SBF2: variants seen among roughly 807,000 people sequenced by gnomAD.
The protein encoded by SBF2 is SET binding factor 2, also known as myotubularin-related protein 13.
Under a neutral mutation model 225.2 loss-of-function variants are expected in SBF2, and 112 were observed. The observed-to-expected ratio is 0.50, with a 90% confidence interval of 0.43 to 0.58. SBF2 has a LOEUF of 0.58. Among genes scored for constraint, SBF2 ranks in the 20% least tolerant of loss-of-function variants. SBF2 has a pLI of 0.00. For synonymous variants in SBF2, 763 were observed against 773.3 expected, an observed-to-expected ratio of 0.99 and a Z score of 0.22; for missense variants, 1,996 against 2,206.2, an observed-to-expected ratio of 0.90 and a Z score of 1.91.
At chr11:10,169,384 A>C (rs779656141) in intron 2 of SBF2, among the ~76,000 whole-genome samples, 5 of 151,746 alleles carry the variant, frequency 3.3e-5, no homozygotes, top group African/African-American at 4.8e-5. Context: ...CTCTCTCTCT[A>C]TGAGATCAAT....
At chr11:10,183,274 T>C (rs1004529637) in intron 2 of SBF2, among the ~76,000 whole-genome samples, 2 of 152,166 alleles carry the variant, frequency 1.3e-5, no homozygotes, top group Non-Finnish European at 2.9e-5. Flanking sequence ...TCTTCCAGCG[T>C]CCTCCTCCTT....
intron 2 of SBF2, among the ~76,000 whole-genome samples, chr11:10,047,137 G>C (rs955495641): frequency 1.3e-5 from 2 of 152,096 alleles, no homozygotes; most frequent in East Asian, 3.8e-4. Context: ...CTAAATAAAT[G>C]AAGAGAGATT....
rs76617958 is a variant in SBF2, at chr11:10,194,206, A to G, written c.56-219T>C. On this transcript the variant is annotated intron_variant, in intron 1 of 39. Transcript: ENST00000256190. ...TTGCATCTGCAGGAGACACCCAACCATGAATTGAAAATATTTGGGATGAAA... is the reference window on the plus strand; with the variant it reads ...TTGCATCTGCAGGAGACACCCAACCGTGAATTGAAAATATTTGGGATGAAA... Among the ~76,000 whole-genome samples, 680 of 152,346 alleles carry G rather than the reference A, an allele frequency of 4.5e-3. 6 individuals are homozygous for G. The highest frequency in any genetic ancestry group is 0.016 in the African/African-American group (650 of 41,582).
At chr11:10,138,994 CTT>C (rs1323562413) in intron 2 of SBF2, among the ~76,000 whole-genome samples, 1 of 152,082 alleles carries the variant, frequency 6.6e-6, no homozygotes, top group Non-Finnish European at 1.5e-5. Context: ...CAACTGGACT[CTT>C]TAACAAATGT....
intron 28 of SBF2, among the ~76,000 whole-genome samples, chr11:9,824,092 G>C (rs539319812): frequency 1.3e-5 from 2 of 152,188 alleles, no homozygotes; most frequent in Admixed American, 1.3e-4. Flanking sequence ...GCACATAGTG[G>C]TCATAAGTTA....
In SBF2 at chr11:9,779,618, T is replaced by C. The variant is rs934474729; in HGVS notation, c.*800A>G. 1 of 152,856 alleles carries C rather than the reference T, an allele frequency of 6.5e-6. No individual in the cohort carries two copies. Among genetic ancestry groups the C allele is most frequent in the African/African-American group, 2.4e-5 (1 of 41,422 alleles). The allele number at this position is 152,856 out of a possible 1,614,324, so 9.5% of individuals were successfully genotyped here. A position where few individuals can be genotyped will look rare whatever the true frequency, so the allele number is the denominator to read the frequency against. On this transcript the variant is annotated 3_prime_UTR_variant, in exon 40 of 40. Coordinates refer to ENST00000256190, the MANE Select transcript of SBF2 (RefSeq NM_030962.4). ...TGGGAATTCAGTGCAAGTGTTTGTT[T>C]TGTGAGTTAGTGCATTCAGCTTTTT...
At chr11:9,917,971 A>C (rs1863248907) in intron 16 of SBF2, among the ~76,000 whole-genome samples, 1 of 151,620 alleles carries the variant, frequency 6.6e-6, no homozygotes, top group African/African-American at 2.4e-5. Context: ...CTAGCCAAAA[A>C]CCTTTCCATC....
chr11:10,041,488 T>C (rs1374436178), intron 3 of SBF2, among the ~76,000 whole-genome samples: 1 of 152,194 alleles, frequency 6.6e-6, no homozygotes, highest in Non-Finnish European at 1.5e-5. Flanking sequence ...GACTTTGATA[T>C]GGCTTTCTAC....
intron 2 of SBF2, among the ~76,000 whole-genome samples, chr11:10,138,802 T>TATA (rs1156796316): frequency 6.6e-6 from 1 of 152,196 alleles, no homozygotes; most frequent in Non-Finnish European, 1.5e-5. Flanking sequence ...ATACTCTATA[T>TATA]GTTTCAAATT....
intron 24 of SBF2, among the ~76,000 whole-genome samples, chr11:9,845,229 G>A (rs1363627438): frequency 6.6e-6 from 1 of 152,132 alleles, no homozygotes; most frequent in Non-Finnish European, 1.5e-5. Context: ...TCTGTCCACT[G>A]GGCCTGGATA....
intron 2 of SBF2, among the ~76,000 whole-genome samples, chr11:10,120,538 T>C (rs1174563408): frequency 1.3e-5 from 2 of 152,216 alleles, no homozygotes; most frequent in Non-Finnish European, 2.9e-5. Flanking sequence ...ACAATGGCTG[T>C]ACCATGTTAC....
chr11:10,204,995 C>G (rs1346415922), intron 1 of SBF2, among the ~76,000 whole-genome samples: 1 of 151,250 alleles, frequency 6.6e-6, no homozygotes, highest in African/African-American at 2.4e-5. Context: ...ACAATACACA[C>G]CGCGGCCTGT....
At chr11:10,299,594 A>G (rs749586391) in intron 1 of SBF2, among the ~76,000 whole-genome samples, 1 of 152,200 alleles carries the variant, frequency 6.6e-6, no homozygotes, top group Non-Finnish European at 1.5e-5. Flanking sequence ...GAATTTCAAA[A>G]CAGCTTCAGC....
intron 1 of SBF2, among the ~76,000 whole-genome samples, chr11:10,202,851 C>G (rs1260898755): frequency 6.6e-6 from 1 of 152,174 alleles, no homozygotes; most frequent in Non-Finnish European, 1.5e-5. Context: ...GGTGAAGTAA[C>G]AAGGTCTGAA....
intron 30 of SBF2, 159 bp from the exon 31 acceptor site, chr11:9,809,161 C>A: frequency 1.7e-6 from 1 of 596,168 alleles, no homozygotes; most frequent in Non-Finnish European, 3.1e-6. Flanking sequence ...TCTTTCAAAT[C>A]AAGATTAAAC....
intron 1 of SBF2, among the ~76,000 whole-genome samples, chr11:10,225,710 T>C (rs867965529): frequency 6.6e-6 from 1 of 152,166 alleles, no homozygotes; most frequent in Non-Finnish European, 1.5e-5. Context: ...AATAACATTT[T>C]GTGCAGTTTA....
chr11:9,993,064 G>A lies in SBF2; in HGVS notation c.1093C>T (p.Gln365Ter). Residue 365 changes from glutamine (Q) to a stop codon, truncating the protein, a stop_gained, in exon 11 of 40, where the codon CAA becomes TAA. Coordinates refer to ENST00000256190, the MANE Select transcript of SBF2 (RefSeq NM_030962.4). LOFTEE classifies it high-confidence loss of function. The stretch of plus-strand genomic sequence containing the variant: ...CAGGATCTATATCCTTGGAAGAGTT[G>A]TGCAAATAATCTAAGGAAAACGGCT... ...VRAVFLRLFAQLFQGYRSCLQ... is the reference protein window; with the variant it reads ...VRAVFLRLFA 2 of 1,612,516 alleles carry A rather than the reference G, an allele frequency of 1.2e-6. No homozygotes were observed. The highest frequency in any genetic ancestry group is 1.7e-6 in the Non-Finnish European group (2 of 1,179,688).
At chr11:10,279,933 G>A (rs1203298821) in intron 1 of SBF2, among the ~76,000 whole-genome samples, 2 of 151,966 alleles carry the variant, frequency 1.3e-5, no homozygotes, top group Non-Finnish European at 1.5e-5. Context: ...ACAGGCGTGA[G>A]CCACCACGCC....
chr11:10,012,286 A>C (rs1464007736), intron 6 of SBF2, among the ~76,000 whole-genome samples: 2 of 152,048 alleles, frequency 1.3e-5, no homozygotes, highest in African/African-American at 4.8e-5. Context: ...GCTGGGACTA[A>C]GGGGTGCACC....
Sources: allele counts gnomAD v4.1 joint callset (sites outside exome capture counted in the v4.1 genomes callset), GRCh38; gene constraint gnomAD v4.1.1; transcripts MANE v1.5; gene names NCBI Gene and HGNC (gene_info 2026-07-23, HGNC 2026-07-21).